Variants in MAGI1 observed in about 807,000 individuals in gnomAD.
The protein encoded by MAGI1 is membrane associated guanylate kinase, WW and PDZ domain containing 1.
MAGI1 carries 58 observed loss-of-function variants against 139.9 expected under a neutral mutation model. That is an observed-to-expected ratio of 0.41 (90% CI 0.34 to 0.52). The LOEUF (loss-of-function observed/expected upper bound fraction) is 0.52, where lower values mean the gene tolerates loss of function less well. Ranked by LOEUF, MAGI1 falls within the 20% of genes least tolerant of loss-of-function variation. The pLI, the probability that MAGI1 is intolerant of heterozygous loss-of-function variation, is 0.12. For missense variants in MAGI1, 1,874 were observed against 1,901.6 expected, an observed-to-expected ratio of 0.99 and a Z score of 0.27; for synonymous variants, 812 against 737.9, an observed-to-expected ratio of 1.10 and a Z score of -1.63.
intron 1 of MAGI1, among the ~76,000 whole-genome samples, chr3:65,727,426 T>C (rs1658099564): frequency 1.3e-5 from 2 of 152,174 alleles, no homozygotes; most frequent in African/African-American, 4.8e-5. Flanking sequence ...GGTGGGGTCT[T>C]GCTATATTGC....
chr3:65,786,837 G>A (rs1045946386), intron 1 of MAGI1, among the ~76,000 whole-genome samples: 1 of 151,894 alleles, frequency 6.6e-6, no homozygotes, highest in Non-Finnish European at 1.5e-5. Flanking sequence ...GGATGTTCTC[G>A]ATTTCCTGAC....
chr3:65,681,469 A>G (rs1280856974), intron 1 of MAGI1, among the ~76,000 whole-genome samples: 1 of 152,188 alleles, frequency 6.6e-6, no homozygotes, highest in East Asian at 1.9e-4. Context: ...CCACCCAAAC[A>G]TTTTTAAGAA....
chr3:65,685,868 G>A (rs2087982058), intron 1 of MAGI1, among the ~76,000 whole-genome samples: 1 of 152,146 alleles, frequency 6.6e-6, no homozygotes, highest in South Asian at 2.1e-4. Context: ...AATTCAGTCT[G>A]TGGTTACTAG....
intron 2 of MAGI1, among the ~76,000 whole-genome samples, chr3:65,591,247 G>A (rs554097029): frequency 3.9e-5 from 6 of 151,908 alleles, no homozygotes; most frequent in Admixed American, 2.0e-4. Context: ...ACCCACCCCC[G>A]CCTGGTGTCC....
At chr3:66,008,413 T>C (rs2067144329) in intron 1 of MAGI1, among the ~76,000 whole-genome samples, 1 of 152,112 alleles carries the variant, frequency 6.6e-6, no homozygotes, top group African/African-American at 2.4e-5. Flanking sequence ...CTCCTCCATT[T>C]AGTCTCTAAA....
At chr3:65,715,737 A>C (rs553715867) in intron 1 of MAGI1, among the ~76,000 whole-genome samples, 1 of 152,372 alleles carries the variant, frequency 6.6e-6, no homozygotes, top group East Asian at 1.9e-4. Context: ...ATTTCATGTG[A>C]AAGATAATTG....
At chr3:65,876,526 T>C (rs2060125081) in intron 1 of MAGI1, among the ~76,000 whole-genome samples, 1 of 151,922 alleles carries the variant, frequency 6.6e-6, no homozygotes, top group South Asian at 2.1e-4. Context: ...AAAATAACAA[T>C]AGATAATACC....
At chr3:65,769,942 C>T (rs550877390) in intron 1 of MAGI1, among the ~76,000 whole-genome samples, 2 of 152,296 alleles carry the variant, frequency 1.3e-5, no homozygotes, top group African/African-American at 4.8e-5. Context: ...CAACTAAAGT[C>T]ACAGTATCCA....
chr3:65,905,913 T>C (rs1244236761), intron 1 of MAGI1, among the ~76,000 whole-genome samples: 1 of 152,208 alleles, frequency 6.6e-6, no homozygotes, highest in African/African-American at 2.4e-5. Context: ...TGTGGTGCTT[T>C]CCGGATATAA....
chr3:65,989,426 T>A (rs920725153), intron 1 of MAGI1, among the ~76,000 whole-genome samples: 1 of 152,244 alleles, frequency 6.6e-6, no homozygotes, highest in Non-Finnish European at 1.5e-5. Context: ...ATGAGTCTAA[T>A]GTAATGCTAC....
intron 1 of MAGI1, among the ~76,000 whole-genome samples, chr3:65,809,173 G>T (rs1016658808): frequency 6.6e-6 from 1 of 152,178 alleles, no homozygotes; most frequent in Non-Finnish European, 1.5e-5. Flanking sequence ...GCGTAAAAAG[G>T]TTTCACACAG....
chr3:65,464,701 C>T (rs1365971785), intron 5 of MAGI1, among the ~76,000 whole-genome samples: 1 of 152,040 alleles, frequency 6.6e-6, no homozygotes, highest in Non-Finnish European at 1.5e-5. Flanking sequence ...TTAGGTCATG[C>T]TTTTTAATTC....
chr3:65,480,125 T>C (rs1254936858), intron 3 of MAGI1, among the ~76,000 whole-genome samples: 2 of 144,558 alleles, frequency 1.4e-5, no homozygotes, highest in African/African-American at 5.2e-5. Context: ...CCTCAGTACA[T>C]AGTTACATAA....
At position 65,968,665 on chromosome 3, in the gene MAGI1, G is replaced by A. The variant is rs1289046417; in HGVS notation, c.313+69331C>T. The stretch of plus-strand genomic sequence containing the variant: ...AGGGGAAACAAGTATACTTGTATAC[G>A]TATAAACAATTCTAGGACAAGAAAC... On this transcript the variant is annotated intron_variant, in intron 1 of 22. Coordinates refer to ENST00000402939, the MANE Select transcript of MAGI1 (RefSeq NM_001033057.2). Among the ~76,000 whole-genome samples the A allele has an allele frequency of 2.6e-5, 4 of 151,642 alleles. No individual in the cohort carries two copies. The East Asian group carries it at 5.8e-4, about 22-fold the overall frequency.
chr3:65,950,116 C>A (rs1410941168), intron 1 of MAGI1, among the ~76,000 whole-genome samples: 3 of 59,202 alleles, frequency 5.1e-5, no homozygotes, highest in Non-Finnish European at 5.7e-5. Flanking sequence ...ACAGAACTAG[C>A]AATATTACTG....
chr3:65,916,899 T>C (rs574138250), intron 1 of MAGI1, among the ~76,000 whole-genome samples: 7 of 152,340 alleles, frequency 4.6e-5, no homozygotes, highest in African/African-American at 1.4e-4. Flanking sequence ...TCTACTGTTC[T>C]CATTGTATAC....
intron 1 of MAGI1, among the ~76,000 whole-genome samples, chr3:65,717,948 A>C (rs566022586): frequency 1.2e-3 from 188 of 152,326 alleles, no homozygotes; most frequent in Non-Finnish European, 2.1e-3. Flanking sequence ...AACATAAGAA[A>C]GATTTTTTTC....
At position 65,437,203 on chromosome 3, in the gene MAGI1, T is replaced by A. The variant is rs996895545; in HGVS notation, c.1315A>T (p.Asn439Tyr). Residue 439 changes from asparagine to tyrosine, a missense_variant, in exon 10 of 23, where the codon AAC becomes TAC. Coordinates refer to ENST00000402939, the MANE Select transcript of MAGI1 (RefSeq NM_001033057.2). ...GGCTCTGGATTGCTTGGAGGGTGGT[T>A]TGGAATAACAGGAGGCACAAGGGCT... ...HSALVPPVIP[N>Y]HPPSNPEPAR... The A allele has an allele frequency of 1.2e-6, 2 of 1,612,552 alleles. No individual in the cohort carries two copies. The highest frequency in any genetic ancestry group is 1.7e-6 in the Non-Finnish European group (2 of 1,178,774).
intron 2 of MAGI1, among the ~76,000 whole-genome samples, chr3:65,565,148 C>T (rs1378478060): frequency 6.6e-6 from 1 of 152,176 alleles, no homozygotes; most frequent in Non-Finnish European, 1.5e-5. Context: ...AAAGGTGAAA[C>T]ACATCTCTAG....
Sources: allele counts gnomAD v4.1 joint callset (sites outside exome capture counted in the v4.1 genomes callset), GRCh38; gene constraint gnomAD v4.1.1; transcripts MANE v1.5; gene names NCBI Gene and HGNC (gene_info 2026-07-23, HGNC 2026-07-21).